The following TIMP2 variants were observed in gnomAD, a reference collection of about 807,000 sequenced individuals.
The protein encoded by TIMP2 is TIMP metallopeptidase inhibitor 2.
In TIMP2, 5 loss-of-function variants were observed where a neutral mutation model predicts 24.3. The ratio of observed to expected loss-of-function variants is 0.21; its 90% CI spans 0.11 to 0.43. The LOEUF (loss-of-function observed/expected upper bound fraction) is 0.43, where lower values mean the gene tolerates loss of function less well. Ranked by LOEUF, TIMP2 falls within the 20% of genes least tolerant of loss-of-function variation. TIMP2 has a pLI of 1.00. For missense variants in TIMP2, 221 were observed against 297.5 expected, an observed-to-expected ratio of 0.74 and a Z score of 1.89; for synonymous variants, 130 against 123.2, an observed-to-expected ratio of 1.06 and a Z score of -0.37.
At chr17:78,910,381 C>A (rs976847375) in intron 1 of TIMP2, among the ~76,000 whole-genome samples, 5 of 151,984 alleles carry the variant, frequency 3.3e-5, no homozygotes, top group Non-Finnish European at 5.9e-5. Flanking sequence ...TTAGTAGAGA[C>A]AAGGTTTCAC....
chr17:78,863,055 T>A (rs1247348823), intron 3 of TIMP2, among the ~76,000 whole-genome samples: 1 of 152,352 alleles, frequency 6.6e-6, no homozygotes, highest in East Asian at 1.9e-4. Flanking sequence ...TTTATTTTCC[T>A]TTGGGTATAC....
intron 1 of TIMP2, among the ~76,000 whole-genome samples, chr17:78,910,639 C>A (rs961391229): frequency 1.3e-5 from 2 of 152,170 alleles, no homozygotes; most frequent in African/African-American, 4.8e-5. Context: ...CTACTTTTGA[C>A]TTCGATGAGA....
In TIMP2 at chr17:78,911,553, G is replaced by A. The variant is rs79619529; in HGVS notation, c.130+13406C>T. Among the ~76,000 whole-genome samples, 6 of 151,888 alleles carry A rather than the reference G, an allele frequency of 4.0e-5. No homozygotes were observed. In the East Asian group the frequency reaches 5.9e-4, roughly 15 times the overall value. On this transcript the variant is annotated intron_variant, in intron 1 of 4. Coordinates refer to ENST00000262768, the MANE Select transcript of TIMP2 (RefSeq NM_003255.5). ...AGTGATTCTCCTGCCTCAGCCTCCC[G>A]AGTAGCTGGGATTACAGGTACCCGC... is the stretch of plus-strand genomic sequence containing the variant.
At chr17:78,892,036 G>C in intron 1 of TIMP2, 1 of 1,550,828 alleles carries the variant, frequency 6.4e-7, no homozygotes, top group South Asian at 1.2e-5. Context: ...ATCTTCGCTG[G>C]ATGGGCCCCT....
intron 3 of TIMP2, among the ~76,000 whole-genome samples, chr17:78,865,216 A>G (rs2069600980): frequency 6.6e-6 from 1 of 152,206 alleles, no homozygotes; most frequent in African/African-American, 2.4e-5. Flanking sequence ...GGTGGTTGTC[A>G]GGGGCTGGGC....
chr17:78,890,474 G>A, intron 1 of TIMP2: 3 of 786,252 alleles, frequency 3.8e-6, no homozygotes, highest in Non-Finnish European at 5.8e-6. Flanking sequence ...CCAAAGTGCT[G>A]GGATTACAGG....
chr17:78,873,072 C>T (rs2069698902), intron 2 of TIMP2, among the ~76,000 whole-genome samples: 1 of 152,028 alleles, frequency 6.6e-6, no homozygotes, highest in African/African-American at 2.4e-5. Context: ...TTCAGGTGAT[C>T]CACTCACCTG....
chr17:78,907,714 C>T (rs772913701), intron 1 of TIMP2, among the ~76,000 whole-genome samples: 12 of 152,180 alleles, frequency 7.9e-5, no homozygotes, highest in South Asian at 2.1e-4. Flanking sequence ...TTCATGAAAA[C>T]GCAGTATCTG....
At position 78,920,168 on chromosome 17, in the gene TIMP2, T is replaced by C. The variant is rs756949115; in HGVS notation, c.130+4791A>G. On this transcript the variant is annotated intron_variant, in intron 1 of 4. Transcript: ENST00000262768. This position sits in a 1 kb window ranked among gnomAD's most constrained non-coding sequence, Gnocchi z 4.5. ...AGACGGCTGCCCGCGCCTCTCAGTCTCCCAGGAGTCATCTATGCCCTGTTC... is the reference window on the plus strand; with the variant it reads ...AGACGGCTGCCCGCGCCTCTCAGTCCCCCAGGAGTCATCTATGCCCTGTTC... Among the ~76,000 whole-genome samples, 1 of 152,168 alleles carries C rather than the reference T, an allele frequency of 6.6e-6. No individual in the cohort carries two copies. Among genetic ancestry groups the C allele is most frequent in the African/African-American group, 2.4e-5 (1 of 41,438 alleles).
rs149659126 is a variant in TIMP2 at position 78,879,542 on chromosome 17, C to T, written c.131-5623G>A. Among the ~76,000 whole-genome samples, 64 of 152,274 alleles carry T rather than the reference C, an allele frequency of 4.2e-4. No homozygotes were observed. In the East Asian group the frequency reaches 5.4e-3, roughly 13 times the overall value. On this transcript the variant is annotated intron_variant, in intron 1 of 4. Coordinates refer to ENST00000262768, the MANE Select transcript of TIMP2 (RefSeq NM_003255.5). Reference sequence around the variant, plus strand: ...TCAGCCCATCTCCTGTCCATGCCCCCGAGAGGGGCTGCTCTGCTCCTCTGC... The same window carrying T: ...TCAGCCCATCTCCTGTCCATGCCCCTGAGAGGGGCTGCTCTGCTCCTCTGC...
At chr17:78,874,604 G>C (rs987517726) in intron 1 of TIMP2, among the ~76,000 whole-genome samples, 1 of 152,174 alleles carries the variant, frequency 6.6e-6, no homozygotes, top group African/African-American at 2.4e-5. Flanking sequence ...TTGAGATGGA[G>C]TCTCGCGCTG....
chr17:78,886,678 T>C (rs936885587), intron 1 of TIMP2, among the ~76,000 whole-genome samples: 4 of 152,144 alleles, frequency 2.6e-5, no homozygotes, highest in African/African-American at 9.7e-5. Context: ...GCCCATGACA[T>C]TCTGGAAGCA....
intron 1 of TIMP2, among the ~76,000 whole-genome samples, chr17:78,923,699 A>G (rs552846255): frequency 4.6e-5 from 7 of 152,264 alleles, no homozygotes; most frequent in Admixed American, 2.0e-4. Flanking sequence ...ACAGGCACAC[A>G]CCAAGCCTTC....
At position 78,924,022 on chromosome 17, in the gene TIMP2, C is replaced by T. The variant is rs1381614384; in HGVS notation, c.130+937G>A. ...TGTAGCCAGACTTGCCCCAGGAAAA[C>T]CATGCTGACCAGCACCAGGGCTGCA... On this transcript the variant is annotated intron_variant, in intron 1 of 4. Coordinates refer to ENST00000262768, the MANE Select transcript of TIMP2 (RefSeq NM_003255.5). The surrounding 1 kb of genome is among the most constrained non-coding windows in gnomAD (Gnocchi z 5.3). 6.6e-6 allele frequency among the ~76,000 whole-genome samples: 1 copy of T among 152,206 alleles called. No individual in the cohort carries two copies. The highest frequency in any genetic ancestry group is 2.4e-5 in the African/African-American group (1 of 41,452).
At chr17:78,923,566 A>G (rs78723032) in intron 1 of TIMP2, among the ~76,000 whole-genome samples, 19,806 of 152,138 alleles carry the variant, frequency 0.13, 1,623 homozygotes, top group African/African-American at 0.22. Flanking sequence ...ACCCCCAGAG[A>G]AAGGCCCATT....
chr17:78,918,653 C>A (rs2070284139), intron 1 of TIMP2, among the ~76,000 whole-genome samples: 2 of 152,138 alleles, frequency 1.3e-5, no homozygotes, highest in Admixed American at 1.3e-4. Context: ...GACCCACGGG[C>A]AACAAAAACA....
chr17:78,892,233 G>T, intron 1 of TIMP2: 1 of 1,551,026 alleles, frequency 6.4e-7, no homozygotes, highest in South Asian at 1.2e-5. Context: ...TGCAGAGCGA[G>T]ATCGCCTTTG....
At position 78,880,038 on chromosome 17, in the gene TIMP2, CT is replaced by C. The variant is rs202088064; in HGVS notation, c.131-6120del. Among the ~76,000 whole-genome samples, 149 of 152,268 alleles carry C rather than the reference CT, an allele frequency of 9.8e-4. 1 individual carries two copies. In the East Asian group the frequency reaches 0.015, roughly 16 times the overall value. On this transcript the variant is annotated intron_variant, in intron 1 of 4. Transcript: ENST00000262768. ...AAACCATCAGAGGCCGGACCGGCTGCTGCTGCTCTCGGAGGGGAGCAGACAG... is the reference window on the plus strand; with the variant it reads ...AAACCATCAGAGGCCGGACCGGCTGCGCTGCTCTCGGAGGGGAGCAGACAG...
rs748318060 is a variant in TIMP2 at position 78,853,163 on chromosome 17, G to A, written c.*2504C>T. On this transcript the variant is annotated 3_prime_UTR_variant, in exon 5 of 5. Transcript: ENST00000262768. ...GCTCCCCTCCCCCAAAAATCCAAAC[G>A]GAAACAAAATCAACAGAGCTTTAAA... The A allele has an allele frequency of 1.3e-5, 2 of 152,400 alleles. No individual in the cohort carries two copies. The highest frequency in any genetic ancestry group is 2.4e-5 in the African/African-American group (1 of 41,366). 9.4% of individuals were successfully genotyped at this position (152,400 alleles called of 1,614,324 possible).
Sources: allele counts gnomAD v4.1 joint callset (sites outside exome capture counted in the v4.1 genomes callset), GRCh38; gene constraint gnomAD v4.1.1; non-coding constraint Gnocchi (gnomAD v3.1); transcripts MANE v1.5; gene names NCBI Gene and HGNC (gene_info 2026-07-23, HGNC 2026-07-21).